The following SGCZ variants were observed in gnomAD, a reference collection of about 807,000 sequenced individuals.
SGCZ encodes sarcoglycan zeta.
SGCZ carries 40 observed loss-of-function variants against 41.3 expected under a neutral mutation model. The ratio of observed to expected loss-of-function variants is 0.97; its 90% CI spans 0.75 to 1.26. The LOEUF is 1.26. SGCZ is among the 50% of genes most tolerant of loss of function. SGCZ has a pLI of 0.00. For missense variants in SGCZ, 552 were observed against 369.8 expected (o/e 1.49, Z -4.04); for synonymous variants, 206 against 137.5 (o/e 1.50, Z -3.49).
At chr8:14,703,486 ACT>A (rs1209168249) in intron 1 of SGCZ, among the ~76,000 whole-genome samples, 12 of 151,798 alleles carry the variant, frequency 7.9e-5, no homozygotes, top group Non-Finnish European at 2.9e-5. Flanking sequence ...ACACTCTCCA[ACT>A]CTCACATTGC....
At chr8:14,620,549 G>A in intron 1 of SGCZ, among the ~76,000 whole-genome samples, 1 of 151,814 alleles carries the variant, frequency 6.6e-6, no homozygotes, top group Non-Finnish European at 1.5e-5. Context: ...ATCTGACAAA[G>A]GGCTAATATC....
At chr8:15,068,655 T>TG (rs1805240455) in intron 1 of SGCZ, among the ~76,000 whole-genome samples, 1 of 152,198 alleles carries the variant, frequency 6.6e-6, no homozygotes, top group East Asian at 1.9e-4. Context: ...CAAAGAATAC[T>TG]GGAAATCCAA....
intron 1 of SGCZ, among the ~76,000 whole-genome samples, chr8:14,824,863 A>G (rs1802242133): frequency 6.6e-6 from 1 of 152,052 alleles, no homozygotes; most frequent in Non-Finnish European, 1.5e-5. Flanking sequence ...ACAAACTCTT[A>G]CTACTTTGTT....
intron 1 of SGCZ, among the ~76,000 whole-genome samples, chr8:15,097,862 GTGTGTA>G (rs1380591031): frequency 3.3e-4 from 6 of 18,320 alleles, no homozygotes; most frequent in Non-Finnish European, 3.7e-4. Flanking sequence ...ATATACGTGT[GTGTGTA>G]TATATATATA....
chr8:14,690,768 C>A (rs1372530785), intron 1 of SGCZ: 1 of 152,078 alleles, frequency 6.6e-6, no homozygotes. Flanking sequence ...ACTGACCTTC[C>A]CCAAGTGTTT....
chr8:14,313,090 C>G (rs962021367), intron 3 of SGCZ, among the ~76,000 whole-genome samples: 2 of 152,158 alleles, frequency 1.3e-5, no homozygotes, highest in African/African-American at 2.4e-5. Context: ...AGTTACATAA[C>G]TACTTCGAGC....
intron 1 of SGCZ, among the ~76,000 whole-genome samples, chr8:15,065,832 C>T (rs1300542177): frequency 1.3e-5 from 2 of 152,128 alleles, no homozygotes; most frequent in African/African-American, 2.4e-5. Flanking sequence ...CTTGCTAGCA[C>T]TTAGCACGTG....
chr8:14,255,989 T>C (rs1799450033), intron 3 of SGCZ, among the ~76,000 whole-genome samples: 1 of 152,120 alleles, frequency 6.6e-6, no homozygotes, highest in South Asian at 2.1e-4. Context: ...ATTAAATATA[T>C]TACATCTCTC....
intron 1 of SGCZ, among the ~76,000 whole-genome samples, chr8:15,090,189 C>A (rs946639973): frequency 6.6e-6 from 1 of 152,088 alleles, no homozygotes; most frequent in Non-Finnish European, 1.5e-5. Flanking sequence ...CCACAAGAAG[C>A]AAATTTAGTC....
intron 1 of SGCZ, among the ~76,000 whole-genome samples, chr8:14,870,093 G>A (rs1177691820): frequency 6.6e-6 from 1 of 152,096 alleles, no homozygotes; most frequent in African/African-American, 2.4e-5. Context: ...AATTTCATAT[G>A]GAACCAAAAA....
At chr8:15,198,339 CAAATTA>C (rs1200381844) in intron 1 of SGCZ, among the ~76,000 whole-genome samples, 1 of 151,842 alleles carries the variant, frequency 6.6e-6, no homozygotes, top group East Asian at 1.9e-4. Flanking sequence ...GGGAAAACAT[CAAATTA>C]AAAGTTTCTC....
intron 3 of SGCZ, among the ~76,000 whole-genome samples, chr8:14,248,847 T>C (rs1226556259): frequency 1.3e-5 from 2 of 152,172 alleles, no homozygotes; most frequent in Non-Finnish European, 2.9e-5. Context: ...TATGTGCATG[T>C]ATGCTGTAAC....
intron 2 of SGCZ, among the ~76,000 whole-genome samples, chr8:14,363,978 C>T (rs945618335): frequency 6.6e-6 from 1 of 151,898 alleles, no homozygotes; most frequent in African/African-American, 2.4e-5. Flanking sequence ...TAACATACTC[C>T]CACTCCTCAT....
intron 1 of SGCZ, among the ~76,000 whole-genome samples, chr8:15,037,601 A>G (rs2130970262): frequency 6.6e-6 from 1 of 152,310 alleles, no homozygotes; most frequent in South Asian, 2.1e-4. Flanking sequence ...TCTATTTAAC[A>G]TATTACTGAA....
chr8:14,684,009 T>A (rs1212482559), intron 1 of SGCZ, among the ~76,000 whole-genome samples: 1 of 152,210 alleles, frequency 6.6e-6, no homozygotes, highest in African/African-American at 2.4e-5. Flanking sequence ...CTTGTGCTTT[T>A]CCTTTCTCAG....
chr8:14,228,148 C>A (rs1563198193), intron 4 of SGCZ, among the ~76,000 whole-genome samples: 1 of 151,996 alleles, frequency 6.6e-6, no homozygotes, highest in Non-Finnish European at 1.5e-5. Context: ...CCCCATTAAC[C>A]AAATTTCCAA....
chr8:14,769,180 A>C (rs899348789), intron 1 of SGCZ, among the ~76,000 whole-genome samples: 10 of 152,174 alleles, frequency 6.6e-5, no homozygotes, highest in African/African-American at 2.4e-4. Context: ...AAACAGATGG[A>C]GAAAGACAAA....
intron 3 of SGCZ, among the ~76,000 whole-genome samples, chr8:14,241,585 T>A (rs950712602): frequency 2.6e-5 from 4 of 151,672 alleles, no homozygotes; most frequent in Non-Finnish European, 5.9e-5. Flanking sequence ...CTGATGTAGT[T>A]ATTTTTCCTC....
chr8:14,219,787 G>C (rs548346888), intron 4 of SGCZ, among the ~76,000 whole-genome samples: 3 of 151,752 alleles, frequency 2.0e-5, no homozygotes, highest in Admixed American at 2.0e-4. Context: ...ATGAAGTTTT[G>C]CCTCATTCAC....
Sources: allele counts gnomAD v4.1 joint callset (sites outside exome capture counted in the v4.1 genomes callset), GRCh38; gene constraint gnomAD v4.1.1; transcripts MANE v1.5; gene names NCBI Gene and HGNC (gene_info 2026-07-23, HGNC 2026-07-21).